Variants in STN1 observed in about 807,000 individuals in gnomAD.
STN1 encodes the protein CST complex subunit STN1.
Under a neutral mutation model 45.5 loss-of-function variants are expected in STN1, and 29 were observed. That is an observed-to-expected ratio of 0.64 (90% CI 0.47 to 0.87). The LOEUF (loss-of-function observed/expected upper bound fraction) is 0.87, where lower values mean the gene tolerates loss of function less well. Among genes scored for constraint, STN1 ranks in the 40% least tolerant of loss-of-function variants. STN1 has a pLI of 0.00. For missense variants in STN1, 376 were observed against 441.4 expected (o/e 0.85, Z 1.33); for synonymous variants, 148 against 159.0 (o/e 0.93, Z 0.52).
intron 7 of STN1, among the ~76,000 whole-genome samples, chr10:103,895,786 G>C (rs574507642): frequency 5.9e-5 from 9 of 152,326 alleles, no homozygotes; most frequent in African/African-American, 2.2e-4. Context: ...TAGCAAGGGT[G>C]TTCACAGCAG....
rs772823394 is a variant in STN1, at chr10:103,900,025, A to C, written c.457+37T>G. The C allele has an allele frequency of 4.4e-6, 7 of 1,604,438 alleles. No individual in the cohort carries two copies. The South Asian group carries it at 7.8e-5, about 18-fold the overall frequency. Reference sequence around the variant, plus strand: ...AGAGGTTTACTGGACGCACATCCAGAAAAACCACCAATTTGGTAGAAATAT... The same window carrying C: ...AGAGGTTTACTGGACGCACATCCAGCAAAACCACCAATTTGGTAGAAATAT... On this transcript the variant is annotated intron_variant, in intron 5 of 9. Coordinates refer to ENST00000224950, the MANE Select transcript of STN1 (RefSeq NM_024928.5).
chr10:103,905,190 T>A, intron 3 of STN1, 34 bp from the exon 4 acceptor site: 1 of 1,588,590 alleles, frequency 6.3e-7, no homozygotes, highest in South Asian at 1.1e-5. Flanking sequence ...ATAAGAGAGA[T>A]TTGGGCAAGG....
At chr10:103,884,209 A>G (rs937014626) in intron 9 of STN1, among the ~76,000 whole-genome samples, 2 of 150,938 alleles carry the variant, frequency 1.3e-5, no homozygotes, top group Admixed American at 6.6e-5. Context: ...GCCCAAATCA[A>G]CTCTCTGCTT....
At chr10:103,908,481 G>T (rs933522017) in intron 3 of STN1, among the ~76,000 whole-genome samples, 1 of 152,232 alleles carries the variant, frequency 6.6e-6, no homozygotes, top group East Asian at 1.9e-4. Flanking sequence ...CAGGCCTGCG[G>T]TGAGTCAGGG....
chr10:103,901,517 G>A (rs993804632), intron 4 of STN1, among the ~76,000 whole-genome samples: 2 of 152,186 alleles, frequency 1.3e-5, no homozygotes, highest in Non-Finnish European at 2.9e-5. Flanking sequence ...TGGGCAGGCT[G>A]CTTAACCTGC....
At chr10:103,893,573 C>T (rs1169873909) in intron 7 of STN1, among the ~76,000 whole-genome samples, 1 of 152,190 alleles carries the variant, frequency 6.6e-6, no homozygotes, top group Non-Finnish European at 1.5e-5. Context: ...AGGCCAAGTC[C>T]TACCTCTATT....
intron 2 of STN1, among the ~76,000 whole-genome samples, chr10:103,914,653 T>C (rs1843317518): frequency 6.6e-6 from 1 of 151,804 alleles, no homozygotes; most frequent in Admixed American, 6.6e-5. Flanking sequence ...GTACCTGGGA[T>C]ACTTTTTTTT....
intron 9 of STN1, among the ~76,000 whole-genome samples, chr10:103,884,299 G>A (rs147403052): frequency 6.6e-6 from 1 of 151,916 alleles, no homozygotes; most frequent in East Asian, 1.9e-4. Context: ...AGGGGATAAC[G>A]AAACCAATTT....
chr10:103,905,377 G>T (rs1003365142), intron 3 of STN1, among the ~76,000 whole-genome samples: 1 of 152,180 alleles, frequency 6.6e-6, no homozygotes, highest in African/African-American at 2.4e-5. Context: ...AGCCCAGTGG[G>T]ATATGGTCAG....
chr10:103,906,255 A>T (rs1460481188), intron 3 of STN1, among the ~76,000 whole-genome samples: 1 of 152,266 alleles, frequency 6.6e-6, no homozygotes, highest in African/African-American at 2.4e-5. Flanking sequence ...TTCTTTAAGC[A>T]GAATCTTAAA....
intron 3 of STN1, among the ~76,000 whole-genome samples, chr10:103,907,873 A>C (rs1195802696): frequency 1.3e-5 from 2 of 152,154 alleles, no homozygotes; most frequent in Non-Finnish European, 2.9e-5. Flanking sequence ...TCACGCCTGT[A>C]ATCTCAGCAC....
In STN1 at chr10:103,917,621, T is replaced by C; in HGVS notation, c.-27A>G. ...AAGAGGCAGGGCTGTGGCTTCCAGC[T>C]AACTCTGAAAGGTTCTGCATCACTG... On this transcript the variant is annotated 5_prime_UTR_variant, in exon 2 of 10. Coordinates refer to ENST00000224950, the MANE Select transcript of STN1 (RefSeq NM_024928.5). The C allele has an allele frequency of 3.7e-6, 6 of 1,610,276 alleles. No individual in the cohort carries two copies. The highest frequency in any genetic ancestry group is 3.4e-6 in the Non-Finnish European group (4 of 1,178,290).
Position 103,882,186 on chromosome 10 carries a change from C to G in STN1, c.*498G>C, listed in dbSNP as rs1408174840. ...GCCACAGAAACTGTAAGCACTCATC[C>G]AGGGAGAACTACTCCCCTAAACCGG... On this transcript the variant is annotated 3_prime_UTR_variant, in exon 10 of 10. Coordinates refer to ENST00000224950, the MANE Select transcript of STN1 (RefSeq NM_024928.5). 7.6e-6 allele frequency among the ~76,000 whole-genome samples: 1 copy of G among 132,144 alleles called. No homozygotes were observed. Among genetic ancestry groups the G allele is most frequent in the South Asian group, 2.4e-4 (1 of 4,204 alleles). The allele number at this position is 132,144 out of a possible 152,430, so 86.7% of individuals were successfully genotyped here.
chr10:103,917,408 T>C (rs1295401920), intron 2 of STN1, 54 bp downstream of exon 2: 79 of 1,566,288 alleles, frequency 5.0e-5, no homozygotes, highest in Non-Finnish European at 3.5e-6. Context: ...TCTGAGACTT[T>C]GGGAAAGGGT....
intron 9 of STN1, among the ~76,000 whole-genome samples, chr10:103,883,042 G>A (rs1013554064): frequency 2.0e-5 from 3 of 152,180 alleles, no homozygotes; most frequent in Non-Finnish European, 4.4e-5. Context: ...TCACCACGGC[G>A]ACATGGAGCC....
rs1843039652 is a variant in STN1, at chr10:103,877,669, T to C, written c.*5015A>G. On this transcript the variant is annotated 3_prime_UTR_variant, in exon 10 of 10. Transcript: ENST00000224950. ...AGGGTGATTTAAAAACATTCTGGAT[T>C]ACAATGAAAACTCACTTATGTGGGA... The C allele has an allele frequency of 6.6e-6, 1 of 152,200 alleles. No individual in the cohort carries two copies. The highest frequency in any genetic ancestry group is 2.4e-5 in the African/African-American group (1 of 41,440). The allele number at this position is 152,200 out of a possible 1,614,324, so 9.4% of individuals were successfully genotyped here.
intron 4 of STN1, among the ~76,000 whole-genome samples, chr10:103,901,275 C>T (rs1843208671): frequency 6.6e-6 from 1 of 152,190 alleles, no homozygotes; most frequent in African/African-American, 2.4e-5. Flanking sequence ...TTATTAGAGA[C>T]AGGGTCTCAC....
intron 2 of STN1, among the ~76,000 whole-genome samples, chr10:103,911,812 G>A (rs553513716): frequency 3.3e-5 from 5 of 152,218 alleles, no homozygotes; most frequent in African/African-American, 4.8e-5. Flanking sequence ...CCTGAATCCC[G>A]ACGCCCCTTA....
chr10:103,900,809 G>GA (rs1169561736), intron 4 of STN1, among the ~76,000 whole-genome samples: 6 of 151,418 alleles, frequency 4.0e-5, no homozygotes, highest in Admixed American at 2.6e-4. Context: ...ACTTTATAAT[G>GA]AAAAAAACCC....
Sources: allele counts gnomAD v4.1 joint callset (sites outside exome capture counted in the v4.1 genomes callset), GRCh38; gene constraint gnomAD v4.1.1; transcripts MANE v1.5; gene names NCBI Gene and HGNC (gene_info 2026-07-23, HGNC 2026-07-21).